Variants in C12orf75 observed in about 807,000 individuals in gnomAD.
C12orf75 encodes chromosome 12 open reading frame 75.
Under a neutral mutation model 11.4 loss-of-function variants are expected in C12orf75, and 4 were observed. That is an observed-to-expected ratio of 0.35 (90% CI 0.17 to 0.80). C12orf75 has a LOEUF of 0.80. Ranked by LOEUF, C12orf75 falls within the 30% of genes least tolerant of loss-of-function variation. C12orf75 has a pLI of 0.52. For missense variants in C12orf75, 89 were observed against 80.4 expected, an observed-to-expected ratio of 1.11 and a Z score of -0.41; for synonymous variants, 30 against 30.0, an observed-to-expected ratio of 1.00 and a Z score of 0.00.
intron 1 of C12orf75, among the ~76,000 whole-genome samples, chr12:105,341,537 G>T (rs1436154205): frequency 6.6e-6 from 1 of 152,176 alleles, no homozygotes; most frequent in Non-Finnish European, 1.5e-5. Flanking sequence ...TCAATGATTT[G>T]CTAGAATAGC....
chr12:105,355,181 T>A (rs1390233984), intron 2 of C12orf75, among the ~76,000 whole-genome samples: 2 of 116,206 alleles, frequency 1.7e-5, no homozygotes, highest in East Asian at 4.8e-4. Context: ...TTTCTTTTTC[T>A]TTTTTTTTTT....
chr12:105,339,256 G>A (rs1037917463), intron 1 of C12orf75, among the ~76,000 whole-genome samples: 6 of 151,892 alleles, frequency 4.0e-5, no homozygotes, highest in African/African-American at 4.8e-5. Context: ...TATAGTTCTC[G>A]GAGGGACTGT....
At chr12:105,345,470 G>A (rs546359344) in intron 1 of C12orf75, among the ~76,000 whole-genome samples, 13 of 151,786 alleles carry the variant, frequency 8.6e-5, no homozygotes, top group African/African-American at 3.1e-4. Flanking sequence ...AGCCTGGGTG[G>A]CAGCATAAGA....
At chr12:105,337,023 C>G (rs1444598764) in intron 1 of C12orf75, among the ~76,000 whole-genome samples, 1 of 152,032 alleles carries the variant, frequency 6.6e-6, no homozygotes. Context: ...TGCCCACTGC[C>G]CCAAACAAAA....
chr12:105,341,829 G>A (rs776903103), intron 1 of C12orf75, among the ~76,000 whole-genome samples: 2 of 152,220 alleles, frequency 1.3e-5, no homozygotes, highest in African/African-American at 4.8e-5. Context: ...CCAGATGGAG[G>A]TAACTGAATC....
At chr12:105,363,599 C>T (rs1253509121) in intron 2 of C12orf75, among the ~76,000 whole-genome samples, 1 of 152,030 alleles carries the variant, frequency 6.6e-6, no homozygotes, top group African/African-American at 2.4e-5. Flanking sequence ...GTGGCACGGG[C>T]CTGGAATCCC....
At chr12:105,350,989 ATAAAG>A (rs1423989107) in intron 2 of C12orf75, among the ~76,000 whole-genome samples, 3 of 152,238 alleles carry the variant, frequency 2.0e-5, no homozygotes, top group South Asian at 2.1e-4. Context: ...TAACTTTAAA[ATAAAG>A]TAATTTATTA....
intron 2 of C12orf75, among the ~76,000 whole-genome samples, chr12:105,364,202 A>ATC (rs1441157004): frequency 2.0e-5 from 3 of 152,266 alleles, no homozygotes; most frequent in African/African-American, 4.8e-5. Context: ...GTTTGTCCTC[A>ATC]TCATTTCTCC....
rs1237783370 is a variant in C12orf75, at chr12:105,367,174, C to G, written c.188-298C>G. Among the ~76,000 whole-genome samples, 5 of 152,258 alleles carry G rather than the reference C, an allele frequency of 3.3e-5. No individual in the cohort carries two copies. In the East Asian group the frequency reaches 9.6e-4, roughly 29 times the overall value. Reference sequence around the variant, plus strand: ...TGAAGTCCTTTTGACTGATAGATATCTTCTTGCTCAAGGCAATTTTTAAGC... The same window carrying G: ...TGAAGTCCTTTTGACTGATAGATATGTTCTTGCTCAAGGCAATTTTTAAGC... On this transcript the variant is annotated intron_variant, in intron 4 of 5. Transcript: ENST00000443585.
intron 1 of C12orf75, among the ~76,000 whole-genome samples, chr12:105,331,338 G>A (rs1660084603): frequency 6.6e-6 from 1 of 151,980 alleles, no homozygotes; most frequent in Admixed American, 6.5e-5. Context: ...CCAAGGCGCT[G>A]CACCTGGAAA....
intron 2 of C12orf75, among the ~76,000 whole-genome samples, chr12:105,351,111 A>AT (rs1892708424): frequency 1.3e-5 from 2 of 152,234 alleles, no homozygotes; most frequent in Admixed American, 1.3e-4. Context: ...GGCACGTTCA[A>AT]TTTTTTAAGT....
At chr12:105,359,864 G>A (rs1892836358) in intron 2 of C12orf75, among the ~76,000 whole-genome samples, 1 of 151,990 alleles carries the variant, frequency 6.6e-6, no homozygotes, top group African/African-American at 2.4e-5. Flanking sequence ...ACGGGAGCAA[G>A]ATTATGTTTA....
At chr12:105,347,458 C>T (rs980655359) in intron 1 of C12orf75, among the ~76,000 whole-genome samples, 6 of 152,224 alleles carry the variant, frequency 3.9e-5, no homozygotes, top group Non-Finnish European at 7.3e-5. Flanking sequence ...CCCTGGCAAA[C>T]TACTGGTCTA....
At chr12:105,368,134 A>T (rs1871530444) in intron 5 of C12orf75, among the ~76,000 whole-genome samples, 1 of 152,224 alleles carries the variant, frequency 6.6e-6, no homozygotes, top group East Asian at 1.9e-4. Context: ...AACAAGAACA[A>T]CGACAAGAGA....
chr12:105,361,627 C>G (rs1045917437), intron 2 of C12orf75, among the ~76,000 whole-genome samples: 1 of 152,176 alleles, frequency 6.6e-6, no homozygotes, highest in Admixed American at 6.5e-5. Context: ...TTTGGCTTAA[C>G]ATGTCTGGGC....
At chr12:105,333,414 C>T (rs996695830) in intron 1 of C12orf75, among the ~76,000 whole-genome samples, 1 of 152,106 alleles carries the variant, frequency 6.6e-6, no homozygotes, top group Non-Finnish European at 1.5e-5. Context: ...TGAACCCGAG[C>T]AATACGAAAC....
rs1892413935 is a variant in C12orf75, at chr12:105,330,929, C to T, written c.38C>T (p.Ala13Val). 1 of 1,237,260 alleles carries T rather than the reference C, an allele frequency of 8.1e-7. No homozygotes were observed. Among genetic ancestry groups the T allele is most frequent in the Non-Finnish European group, 1.0e-6 (1 of 992,088 alleles). The allele number at this position is 1,237,260 out of a possible 1,614,324, so 76.6% of individuals were successfully genotyped here. A position where few individuals can be genotyped will look rare whatever the true frequency, so the allele number is the denominator to read the frequency against. The change falls in exon 1 of 6, where the codon GCG becomes GTG. Residue 13 changes from alanine (A) to valine (V), a missense_variant. Physicochemically the swap from Ala to Val is moderately conservative, Grantham distance 64. Coordinates refer to ENST00000443585, the MANE Select transcript of C12orf75 (RefSeq NM_001145199.2). ...AACTCCACCGCCACCAGCGCGGGCG[C>T]GGGCCAAGGTGAGTCCGGCGGGAGG... ...CGNSTATSAG[A>V]GQGPAGAAKD...
At chr12:105,363,839 A>C (rs150928753) in intron 2 of C12orf75, among the ~76,000 whole-genome samples, 121 of 152,282 alleles carry the variant, frequency 7.9e-4, no homozygotes, top group African/African-American at 2.8e-3. Context: ...TGGCAACTAC[A>C]TTATCATTTC....
chr12:105,362,439 G>C (rs1407414863), intron 2 of C12orf75, among the ~76,000 whole-genome samples: 1 of 147,638 alleles, frequency 6.8e-6, no homozygotes, highest in Non-Finnish European at 1.5e-5. Flanking sequence ...AGGCTGAGGC[G>C]GGTGGATCAT....
Sources: allele counts gnomAD v4.1 joint callset (sites outside exome capture counted in the v4.1 genomes callset), GRCh38; gene constraint gnomAD v4.1.1; transcripts MANE v1.5; gene names NCBI Gene and HGNC (gene_info 2026-07-23, HGNC 2026-07-21).